The following SNAP91 variants were observed in gnomAD, a reference collection of about 807,000 sequenced individuals.
SNAP91 encodes clathrin coat assembly protein AP180.
In SNAP91, 27 loss-of-function variants were observed where a neutral mutation model predicts 100.3. That is an observed-to-expected ratio of 0.27 (90% CI 0.20 to 0.37). SNAP91 has a LOEUF of 0.37. Ranked by LOEUF, SNAP91 falls within the 10% of genes least tolerant of loss-of-function variation. The pLI is 1.00. For synonymous variants in SNAP91, 404 were observed against 398.6 expected (o/e 1.01, Z -0.16); for missense variants, 986 against 1,123.7 (o/e 0.88, Z 1.75).
intron 2 of SNAP91, among the ~76,000 whole-genome samples, chr6:83,672,001 C>T (rs1286467080): frequency 1.3e-5 from 2 of 151,978 alleles, no homozygotes; most frequent in African/African-American, 2.4e-5. Context: ...GCTCAAAACC[C>T]CCTGGGGCCT....
At chr6:83,695,084 C>G in intron 2 of SNAP91, among the ~76,000 whole-genome samples, 1 of 151,818 alleles carries the variant, frequency 6.6e-6, no homozygotes, top group East Asian at 1.9e-4. Flanking sequence ...CCAGCCTGAC[C>G]AACATGGTGA....
At chr6:83,596,709 C>A (rs2094508939) in intron 16 of SNAP91, among the ~76,000 whole-genome samples, 1 of 151,900 alleles carries the variant, frequency 6.6e-6, no homozygotes, top group Admixed American at 6.6e-5. Flanking sequence ...ATACACACTT[C>A]AAAACATCAT....
intron 28 of SNAP91, among the ~76,000 whole-genome samples, 170 bp from the exon 29 acceptor site, chr6:83,556,415 C>T (rs560103360): frequency 2.9e-5 from 4 of 137,874 alleles, no homozygotes; most frequent in African/African-American, 1.1e-4. Context: ...AGGCAGAACA[C>T]ATATCAAAGA....
chr6:83,619,403 C>A (rs544510421), intron 9 of SNAP91, among the ~76,000 whole-genome samples: 2 of 152,286 alleles, frequency 1.3e-5, no homozygotes, highest in South Asian at 4.1e-4. Flanking sequence ...ATGCAGTAGA[C>A]AATAAATGAA....
chr6:83,649,947 T>A (rs1340691164), intron 7 of SNAP91, among the ~76,000 whole-genome samples: 3 of 152,294 alleles, frequency 2.0e-5, no homozygotes, highest in Non-Finnish European at 2.9e-5. Flanking sequence ...TTTGAACAAC[T>A]AATTGAGATA....
intron 28 of SNAP91, among the ~76,000 whole-genome samples, chr6:83,557,493 C>A (rs1436690152): frequency 6.6e-6 from 1 of 151,628 alleles, no homozygotes; most frequent in East Asian, 1.9e-4. Flanking sequence ...CAAGGCAAGG[C>A]CTCATCTCTA....
At chr6:83,619,536 A>G (rs1198760193) in intron 9 of SNAP91, among the ~76,000 whole-genome samples, 1 of 152,230 alleles carries the variant, frequency 6.6e-6, no homozygotes, top group Non-Finnish European at 1.5e-5. Flanking sequence ...AAAATGTCAA[A>G]GTCAATAGAC....
In SNAP91 at chr6:83,625,240, A is replaced by G. The variant is rs1229774439; in HGVS notation, c.766-1898T>C. ...TGATTTCATTCTTTTTTATGGCTGC[A>G]TAGTATTCCATGGTGCATATGTACC... On this transcript the variant is annotated intron_variant, in intron 8 of 29. Transcript: ENST00000369694. Among the ~76,000 whole-genome samples, 3 of 152,214 alleles carry G rather than the reference A, an allele frequency of 2.0e-5. No homozygotes were observed. The East Asian group carries it at 5.8e-4, about 29-fold the overall frequency.
At chr6:83,609,035 T>C (rs1045227178) in intron 12 of SNAP91, among the ~76,000 whole-genome samples, 3 of 152,146 alleles carry the variant, frequency 2.0e-5, no homozygotes, top group East Asian at 1.9e-4. Context: ...AGCCAATGCA[T>C]GTAAATAAGT....
Position 83,678,626 on chromosome 6 carries a change from A to G in SNAP91, c.131-13045T>C, listed in dbSNP as rs1180901465. Among the ~76,000 whole-genome samples the G allele has an allele frequency of 2.6e-5, 4 of 152,142 alleles. No individual in the cohort carries two copies. In the East Asian group the frequency reaches 5.8e-4, roughly 22 times the overall value. On this transcript the variant is annotated intron_variant, in intron 2 of 29. Coordinates refer to ENST00000369694, the MANE Select transcript of SNAP91 (RefSeq NM_001242792.2). ...CTGTATCTATAACCTAATCTCTAAG[A>G]TGTCTCTCAAATTCTTTTCTATTTT...
chr6:83,658,183 A>G (rs945244007), intron 6 of SNAP91, among the ~76,000 whole-genome samples: 1 of 152,160 alleles, frequency 6.6e-6, no homozygotes, highest in East Asian at 1.9e-4. Context: ...TACCCAGTTT[A>G]TCCTAATGGT....
chr6:83,570,548 C>CGGGGGGGGGG (rs1805071633), intron 26 of SNAP91, among the ~76,000 whole-genome samples: 1 of 74,642 alleles, frequency 1.3e-5, no homozygotes, highest in African/African-American at 7.9e-5. Context: ...TGGAGGTTTA[C>CGGGGGGGGGG]GGGGTGGCGG....
intron 2 of SNAP91, among the ~76,000 whole-genome samples, chr6:83,670,250 T>C (rs942502605): frequency 2.0e-5 from 3 of 151,648 alleles, no homozygotes; most frequent in Non-Finnish European, 4.4e-5. Context: ...GGTCCTTTTT[T>C]TTTTTTTTCT....
rs1338188170 is a variant in SNAP91 at position 83,690,279 on chromosome 6, AAACAAATGT to A, written c.130+17510_130+17518del. 4 of 1,183,390 alleles carry A rather than the reference AAACAAATGT, an allele frequency of 3.4e-6. No individual in the cohort carries two copies. In the African/African-American group the frequency reaches 4.8e-5, roughly 14 times the overall value. 73.3% of individuals were successfully genotyped at this position (1,183,390 alleles called of 1,614,324 possible). On this transcript the variant is annotated intron_variant, in intron 2 of 29. Coordinates refer to ENST00000369694, the MANE Select transcript of SNAP91 (RefSeq NM_001242792.2). ...GAGAAATAAATAATACTGTGATCCA[AAACAAATGT>A]AACATATTTCTGAAGTATTTCTCCT...
Position 83,691,528 on chromosome 6 carries a change from T to C in SNAP91, c.130+16270A>G, listed in dbSNP as rs564917200. On this transcript the variant is annotated intron_variant, in intron 2 of 29. Transcript: ENST00000369694. ...TAACTTCCCTACTAGATCAACTCTT[T>C]TTCTAAATATTTTACAAATTGTTCC... Among the ~76,000 whole-genome samples, 3 of 152,292 alleles carry C rather than the reference T, an allele frequency of 2.0e-5. No individual in the cohort carries two copies. In the East Asian group the frequency reaches 5.8e-4, roughly 29 times the overall value.
chr6:83,690,294 A>G, intron 2 of SNAP91: 1 of 1,210,740 alleles, frequency 8.3e-7, no homozygotes, highest in South Asian at 1.5e-5. Flanking sequence ...AATGTAACAT[A>G]TTTCTGAAGT....
At chr6:83,656,918 T>A (rs778714615) in intron 6 of SNAP91, 53 bp from the exon 7 acceptor site, 7 of 767,392 alleles carry the variant, frequency 9.1e-6, no homozygotes, top group Non-Finnish European at 1.2e-5. Flanking sequence ...GTCTTAATTT[T>A]TCTTGAATCA....
intron 26 of SNAP91, among the ~76,000 whole-genome samples, chr6:83,573,234 C>T (rs558309140): frequency 5.9e-5 from 9 of 152,226 alleles, no homozygotes; most frequent in African/African-American, 1.9e-4. Context: ...CCTAGGAATC[C>T]AACTTACAAG....
chr6:83,556,792 A>G (rs1309840236), intron 28 of SNAP91, among the ~76,000 whole-genome samples: 1 of 152,244 alleles, frequency 6.6e-6, no homozygotes, highest in Non-Finnish European at 1.5e-5. Context: ...AAGGAAAAAT[A>G]GGAAACGGTT....
Sources: allele counts gnomAD v4.1 joint callset (sites outside exome capture counted in the v4.1 genomes callset), GRCh38; gene constraint gnomAD v4.1.1; transcripts MANE v1.5; gene names NCBI Gene and HGNC (gene_info 2026-07-23, HGNC 2026-07-21).